Variants in GMDS observed in about 807,000 individuals in gnomAD.
GMDS encodes the protein GDP-mannose 4,6-dehydratase.
In GMDS, 20 loss-of-function variants were observed where a neutral mutation model predicts 49.9. The ratio of observed to expected loss-of-function variants is 0.40; its 90% CI spans 0.28 to 0.58. The LOEUF (loss-of-function observed/expected upper bound fraction) is 0.58. Ranked by LOEUF, GMDS falls within the 20% of genes least tolerant of loss-of-function variation. The probability of loss-of-function intolerance (pLI) is 0.42; values close to 1 mark genes in which losing one functional copy is unlikely to be tolerated. For missense variants in GMDS, 362 were observed against 481.4 expected (o/e 0.75, Z 2.32); for synonymous variants, 177 against 178.6 (o/e 0.99, Z 0.07).
At position 1,682,671 on chromosome 6, in the gene GMDS, G is replaced by A. The variant is rs113602141; in HGVS notation, c.987+43745C>T. On this transcript the variant is annotated intron_variant, in intron 9 of 10. Transcript: ENST00000380815. ...TGCAAGCTCCGCCTCCCGGGTTCAC[G>A]CCATTCTCCTGCCTCAGCCTCCCAA... is the stretch of plus-strand genomic sequence containing the variant. Among the ~76,000 whole-genome samples the A allele has an allele frequency of 1.9e-3, 44 of 23,210 alleles. 19 individuals carry two copies. The highest frequency in any genetic ancestry group is 3.1e-4 in the Non-Finnish European group (3 of 9,660). 15.2% of individuals were successfully genotyped at this position (23,210 alleles called of 152,430 possible). A position where few individuals can be genotyped will look rare whatever the true frequency, so the allele number is the denominator to read the frequency against.
chr6:1,851,344 T>G (rs999370550), intron 7 of GMDS, among the ~76,000 whole-genome samples: 1 of 152,222 alleles, frequency 6.6e-6, no homozygotes, highest in African/African-American at 2.4e-5. Context: ...AAACGTGTAT[T>G]TTATTGCAAC....
At chr6:1,922,398 C>A (rs1006490571) in intron 7 of GMDS, among the ~76,000 whole-genome samples, 14 of 152,184 alleles carry the variant, frequency 9.2e-5, no homozygotes, top group African/African-American at 3.1e-4. Flanking sequence ...TACTCTCCTG[C>A]ATATGAACAA....
chr6:2,134,395 A>G (rs1775889327), intron 1 of GMDS, among the ~76,000 whole-genome samples: 1 of 152,228 alleles, frequency 6.6e-6, no homozygotes, highest in Non-Finnish European at 1.5e-5. Context: ...ACTGAAAAAG[A>G]CCAGAGCTTT....
chr6:2,022,198 G>C (rs1768317805), intron 4 of GMDS, among the ~76,000 whole-genome samples: 1 of 152,096 alleles, frequency 6.6e-6, no homozygotes, highest in Non-Finnish European at 1.5e-5. Flanking sequence ...AACCAAAGTG[G>C]AGCAAAATCT....
In GMDS at chr6:1,973,880, G is replaced by C. The variant is rs1051776610; in HGVS notation, c.346-12914C>G. Among the ~76,000 whole-genome samples the C allele has an allele frequency of 2.6e-5, 4 of 152,210 alleles. 1 individual carries two copies. In the South Asian group the frequency reaches 8.3e-4, roughly 32 times the overall value. ...CAACATGGCCTGTGGTTACAACAATGTAAGTCTCAACTATCCATATGGGAG... is the reference window on the plus strand; with the variant it reads ...CAACATGGCCTGTGGTTACAACAATCTAAGTCTCAACTATCCATATGGGAG... On this transcript the variant is annotated intron_variant, in intron 4 of 10. Coordinates refer to ENST00000380815, the MANE Select transcript of GMDS (RefSeq NM_001500.4).
intron 4 of GMDS, among the ~76,000 whole-genome samples, chr6:2,069,173 T>A (rs1284551988): frequency 6.6e-6 from 1 of 152,176 alleles, no homozygotes; most frequent in Non-Finnish European, 1.5e-5. Flanking sequence ...GGGAAAGGAT[T>A]CCCTATTTAA....
At chr6:2,176,672 T>C (rs1318240505) in intron 1 of GMDS, among the ~76,000 whole-genome samples, 1 of 152,024 alleles carries the variant, frequency 6.6e-6, no homozygotes, top group African/African-American at 2.4e-5. Context: ...TGGGAAAGAA[T>C]AGCCATATGG....
intron 1 of GMDS, among the ~76,000 whole-genome samples, chr6:2,137,947 C>T (rs142497162): frequency 8.7e-4 from 133 of 152,238 alleles, no homozygotes; most frequent in African/African-American, 2.7e-3. Context: ...AGAATACAGT[C>T]GAATGAAGCA....
intron 7 of GMDS, among the ~76,000 whole-genome samples, chr6:1,848,647 G>A (rs1757520955): frequency 6.6e-6 from 1 of 152,224 alleles, no homozygotes; most frequent in African/African-American, 2.4e-5. Flanking sequence ...GTTGCTCTGT[G>A]CTTGAAAGAG....
At chr6:1,928,157 C>G (rs1762114972) in intron 7 of GMDS, among the ~76,000 whole-genome samples, 1 of 151,972 alleles carries the variant, frequency 6.6e-6, no homozygotes, top group East Asian at 1.9e-4. Flanking sequence ...ATGAGGTCAA[C>G]AGATGGAGAC....
chr6:2,240,470 T>C (rs1419884653), intron 1 of GMDS, among the ~76,000 whole-genome samples: 1 of 151,994 alleles, frequency 6.6e-6, no homozygotes, highest in Non-Finnish European at 1.5e-5. Context: ...TAAGCAGTAA[T>C]TCAAACACCT....
chr6:1,997,312 A>G (rs1426848761), intron 4 of GMDS, among the ~76,000 whole-genome samples: 3 of 151,982 alleles, frequency 2.0e-5, no homozygotes, highest in African/African-American at 7.3e-5. Context: ...GACGGAAACC[A>G]TCCTGGCCAA....
At position 2,245,247 on chromosome 6, in the gene GMDS, A is replaced by G. The variant is rs138853519; in HGVS notation, c.102+74T>C. The G allele has an allele frequency of 8.9e-3, 9,263 of 1,040,882 alleles. 66 individuals are homozygous for G. The highest frequency in any genetic ancestry group is 0.011 in the Non-Finnish European group (7,700 of 699,146). 64.5% of individuals were successfully genotyped at this position (1,040,882 alleles called of 1,614,324 possible). On this transcript the variant is annotated intron_variant, in intron 1 of 10. Transcript: ENST00000380815. The stretch of plus-strand genomic sequence containing the variant: ...GCTGTTCCTGGAGAGACCGCAGCCC[A>G]CGAGTAGCGGCGCGTAGGGAGAGCA...
intron 9 of GMDS, among the ~76,000 whole-genome samples, chr6:1,703,778 A>T (rs1765625069): frequency 6.6e-6 from 1 of 152,232 alleles, no homozygotes; most frequent in Non-Finnish European, 1.5e-5. Context: ...GTTCGCACTC[A>T]GCTCACCAGT....
chr6:1,786,976 G>A (rs1312745877), intron 7 of GMDS, among the ~76,000 whole-genome samples: 1 of 152,106 alleles, frequency 6.6e-6, no homozygotes, highest in African/African-American at 2.4e-5. Flanking sequence ...CTGCCAGCGC[G>A]TACCCACAGC....
rs1198786978 is a variant in GMDS, at chr6:1,635,679, C to T, written c.988-11139G>A. ...TGCAAAGCCCACCGGGGGGTGTGGCCCTCAAGTCTGCAGATGCAAACGAGA... is the reference window on the plus strand; with the variant it reads ...TGCAAAGCCCACCGGGGGGTGTGGCTCTCAAGTCTGCAGATGCAAACGAGA... On this transcript the variant is annotated intron_variant, in intron 9 of 10. Coordinates refer to ENST00000380815, the MANE Select transcript of GMDS (RefSeq NM_001500.4). The surrounding 1 kb of genome is among the most constrained non-coding windows in gnomAD (Gnocchi z 4.7). Among the ~76,000 whole-genome samples the T allele has an allele frequency of 6.6e-6, 1 of 152,148 alleles. No individual in the cohort carries two copies. Among genetic ancestry groups the T allele is most frequent in the Admixed American group, 6.5e-5 (1 of 15,286 alleles).
intron 4 of GMDS, among the ~76,000 whole-genome samples, chr6:1,991,627 C>T (rs1765945027): frequency 6.6e-6 from 1 of 152,210 alleles, no homozygotes; most frequent in African/African-American, 2.4e-5. Context: ...AAATTCTCCT[C>T]TGATCCCTAT....
At chr6:1,670,814 T>C (rs1413944122) in intron 9 of GMDS, among the ~76,000 whole-genome samples, 1 of 152,242 alleles carries the variant, frequency 6.6e-6, no homozygotes, top group Non-Finnish European at 1.5e-5. Flanking sequence ...GGTCAAACCA[T>C]GGCCTCGGGT....
At chr6:1,686,284 G>A (rs1209226558) in intron 9 of GMDS, among the ~76,000 whole-genome samples, 1 of 152,202 alleles carries the variant, frequency 6.6e-6, no homozygotes, top group East Asian at 1.9e-4. Flanking sequence ...TTCCCACAGA[G>A]GAAGGAATCC....
Sources: gnomAD v4.1 joint callset for allele counts (sites outside exome capture counted in the v4.1 genomes callset) on GRCh38, gnomAD v4.1.1 for gene constraint, Gnocchi (gnomAD v3.1) non-coding constraint, MANE v1.5 for transcripts, NCBI Gene and HGNC (gene_info 2026-07-23, HGNC 2026-07-21) for gene names.